CDH18: variants seen among roughly 807,000 people sequenced by gnomAD.
CDH18 encodes the protein cadherin-18.
A neutral mutation model predicts 67.9 loss-of-function variants in CDH18; 31 were observed. The observed-to-expected ratio is 0.46, with a 90% CI of 0.34 to 0.62. The LOEUF (loss-of-function observed/expected upper bound fraction) is 0.62, where lower values mean the gene tolerates loss of function less well. Ranked by LOEUF, CDH18 falls within the 20% of genes least tolerant of loss-of-function variation. The pLI is 0.01. For missense variants in CDH18, 890 were observed against 975.5 expected, an observed-to-expected ratio of 0.91 and a Z score of 1.17; for synonymous variants, 362 against 347.2, an observed-to-expected ratio of 1.04 and a Z score of -0.48.
chr5:19,712,177 G>C (rs530230046), intron 5 of CDH18, among the ~76,000 whole-genome samples: 2 of 151,884 alleles, frequency 1.3e-5, no homozygotes, highest in African/African-American at 4.8e-5. Context: ...AATGAGGAAC[G>C]GGAAATTACT....
chr5:19,684,639 A>C (rs1216832277), intron 5 of CDH18, among the ~76,000 whole-genome samples: 1 of 151,854 alleles, frequency 6.6e-6, no homozygotes, highest in South Asian at 2.1e-4. Flanking sequence ...ATAAAACTAC[A>C]TGTTTAAAAA....
intron 1 of CDH18, among the ~76,000 whole-genome samples, chr5:20,267,828 G>T (rs994943886): frequency 6.6e-5 from 10 of 152,108 alleles, no homozygotes; most frequent in Non-Finnish European, 1.5e-4. Context: ...GATTCACGAG[G>T]TACATGTGCA....
At chr5:20,286,782 C>G (rs956706919) in intron 1 of CDH18, among the ~76,000 whole-genome samples, 2 of 151,698 alleles carry the variant, frequency 1.3e-5, no homozygotes, top group Non-Finnish European at 3.0e-5. Context: ...AGTTTATGAT[C>G]CAGCTCATTG....
intron 2 of CDH18, among the ~76,000 whole-genome samples, chr5:20,091,428 C>A (rs943295832): frequency 6.6e-6 from 1 of 152,068 alleles, no homozygotes; most frequent in East Asian, 1.9e-4. Context: ...GAGTTTGAAG[C>A]TGCAGCGAGC....
intron 7 of CDH18, among the ~76,000 whole-genome samples, chr5:19,587,060 T>G (rs1580352135): frequency 6.6e-6 from 1 of 152,266 alleles, no homozygotes; most frequent in Non-Finnish European, 1.5e-5. Flanking sequence ...AATGAGGTTT[T>G]TTTTTTCTTG....
chr5:20,258,727 T>C (rs183278055), intron 1 of CDH18, among the ~76,000 whole-genome samples: 3 of 152,240 alleles, frequency 2.0e-5, no homozygotes, highest in African/African-American at 7.2e-5. Flanking sequence ...CATACTTACA[T>C]GTTCAGTATC....
At chr5:19,648,839 T>A (rs968427438) in intron 5 of CDH18, among the ~76,000 whole-genome samples, 1 of 152,050 alleles carries the variant, frequency 6.6e-6, no homozygotes, top group African/African-American at 2.4e-5. Context: ...AGGTTTTTTT[T>A]TTCATGCAGA....
intron 5 of CDH18, among the ~76,000 whole-genome samples, chr5:19,666,415 TA>T (rs1757964001): frequency 6.6e-6 from 1 of 151,822 alleles, no homozygotes; most frequent in Non-Finnish European, 1.5e-5. Context: ...GCAAATAATG[TA>T]AATTTTGATA....
At chr5:20,489,307 T>A (rs979711533) in intron 1 of CDH18, among the ~76,000 whole-genome samples, 4 of 152,054 alleles carry the variant, frequency 2.6e-5, no homozygotes, top group Admixed American at 2.0e-4. Flanking sequence ...TACCAGACAA[T>A]AATACTACAT....
At chr5:20,175,812 C>A (rs1466294475) in intron 2 of CDH18, among the ~76,000 whole-genome samples, 1 of 152,012 alleles carries the variant, frequency 6.6e-6, no homozygotes, top group Non-Finnish European at 1.5e-5. Context: ...TTAGATGGTG[C>A]CCACCCAGAA....
At chr5:19,821,492 T>C (rs941903279) in intron 3 of CDH18, among the ~76,000 whole-genome samples, 2 of 151,420 alleles carry the variant, frequency 1.3e-5, no homozygotes, top group Admixed American at 1.3e-4. Flanking sequence ...AAACCCACAA[T>C]TCCTGAGAGA....
chr5:20,242,850 T>C (rs1286966591), intron 2 of CDH18, among the ~76,000 whole-genome samples: 2 of 151,734 alleles, frequency 1.3e-5, no homozygotes, highest in African/African-American at 4.8e-5. Flanking sequence ...ATCTTTCTCT[T>C]GTCTTTCAAA....
intron 1 of CDH18, among the ~76,000 whole-genome samples, chr5:20,479,283 G>C (rs984788528): frequency 2.6e-5 from 4 of 152,100 alleles, no homozygotes; most frequent in African/African-American, 9.7e-5. Context: ...TAAGGTACCA[G>C]TGACCAATTC....
intron 2 of CDH18, among the ~76,000 whole-genome samples, chr5:19,960,595 A>ATATACACACACGTG (rs1196161224): frequency 7.2e-6 from 1 of 139,306 alleles, no homozygotes; most frequent in African/African-American, 2.9e-5. Context: ...GTGTGTATAT[A>ATATACACACACGTG]TATATATACA....
At chr5:20,143,599 T>A (rs1018296719) in intron 2 of CDH18, among the ~76,000 whole-genome samples, 1 of 152,134 alleles carries the variant, frequency 6.6e-6, no homozygotes, top group African/African-American at 2.4e-5. Context: ...GAATGCCTAT[T>A]CTCAAGAGAT....
chr5:19,538,526 T>C (rs914490719), intron 9 of CDH18, among the ~76,000 whole-genome samples: 12 of 152,174 alleles, frequency 7.9e-5, no homozygotes, highest in Admixed American at 3.9e-4. Context: ...ATCTTTACAT[T>C]TGTAAGAGTT....
At chr5:20,404,557 GGGAATGGCT>G (rs1362863787) in intron 1 of CDH18, among the ~76,000 whole-genome samples, 3 of 151,998 alleles carry the variant, frequency 2.0e-5, no homozygotes, top group Admixed American at 2.0e-4. Flanking sequence ...AGAGAGATAG[GGGAATGGCT>G]GGTTCTTAGA....
chr5:19,824,384 C>T (rs1305208310), intron 3 of CDH18, among the ~76,000 whole-genome samples: 1 of 152,126 alleles, frequency 6.6e-6, no homozygotes, highest in Non-Finnish European at 1.5e-5. Flanking sequence ...GGAGAACCTC[C>T]CCAGTATGGG....
At chr5:20,459,546 T>A (rs1051405951) in intron 1 of CDH18, among the ~76,000 whole-genome samples, 1 of 152,152 alleles carries the variant, frequency 6.6e-6, no homozygotes, top group Non-Finnish European at 1.5e-5. Context: ...TGACACTTGA[T>A]CATCTTTCCC....
Sources: gnomAD v4.1 joint callset for allele counts (sites outside exome capture counted in the v4.1 genomes callset) on GRCh38, gnomAD v4.1.1 for gene constraint, MANE v1.5 for transcripts, NCBI Gene and HGNC (gene_info 2026-07-23, HGNC 2026-07-21) for gene names.